The following OR2M2 variants were observed in gnomAD, a reference collection of about 807,000 sequenced individuals.
OR2M2 encodes the protein olfactory receptor family 2 subfamily M member 2, also known as olfactory receptor 2M2.
For missense variants in OR2M2, 467 were observed against 429.9 expected (o/e 1.09, Z -0.76); for synonymous variants, 168 against 151.7 (o/e 1.11, Z -0.79).
At position 248,180,855 on chromosome 1, in the gene OR2M2, C is replaced by T. The variant is rs764829982; in HGVS notation, c.870C>T (p.Tyr290=). The T allele has an allele frequency of 1.2e-6, 2 of 1,614,084 alleles. No individual in the cohort carries two copies. Among genetic ancestry groups the T allele is most frequent in the Non-Finnish European group, 1.7e-6 (2 of 1,179,974 alleles). The part of the protein sequence containing the change: ...ILTPMLNPLI[Y]SLRNKEVTRA... ...CTCCCATGCTGAATCCCCTCATCTA[C>T]AGCCTCCGCAACAAGGAGGTGACTA... The change falls in exon 2 of 2, where the codon TAC becomes TAT. Residue 290 remains tyrosine (Y), a synonymous_variant. Transcript: ENST00000641836.
At position 248,180,094 on chromosome 1, in the gene OR2M2, G is replaced by T. The variant is rs1665908979; in HGVS notation, c.109G>T (p.Val37Leu). 3.7e-6 allele frequency: 6 copies of T among 1,614,018 alleles called. No homozygotes were observed. The highest frequency in any genetic ancestry group is 2.2e-5 in the East Asian group (1 of 44,872). The change falls in exon 2 of 2, where the codon GTG becomes TTG. Residue 37 changes from valine (V) to leucine (L), a missense_variant. Coordinates refer to ENST00000641836, the MANE Select transcript of OR2M2 (RefSeq NM_001004688.2). ...LFFLVLGIFL[V>L]AFMGNSVMVL... The stretch of plus-strand genomic sequence containing the variant: ...CTTTCTGGTCCTGGGCATCTTTTTA[G>T]TGGCCTTCATGGGAAACTCTGTCAT...
At chr1:248,176,530 G>A (rs1338498675) in intron 1 of OR2M2, among the ~76,000 whole-genome samples, 1 of 151,952 alleles carries the variant, frequency 6.6e-6, no homozygotes, top group East Asian at 1.9e-4. Flanking sequence ...ACGTCATTAT[G>A]TGAATACTTT....
At chr1:248,177,175 C>A (rs3010201) in intron 1 of OR2M2, among the ~76,000 whole-genome samples, 26,576 of 151,848 alleles carry the variant, frequency 0.18, 4,609 homozygotes, top group African/African-American at 0.45. Flanking sequence ...ATAAGTTCAT[C>A]CTAAACTAAT....
intron 1 of OR2M2, among the ~76,000 whole-genome samples, chr1:248,178,153 T>C (rs1186653070): frequency 2.0e-5 from 3 of 152,162 alleles, no homozygotes; most frequent in Non-Finnish European, 2.9e-5. Flanking sequence ...TAAAAAATTG[T>C]ATTTCACCCC....
chr1:248,179,985 C>T lies in OR2M2; in HGVS notation c.-1C>T. ...GGTACTAGGTAAAAAGCACATTCAT[C>T]ATGGCATGGGAGAATCAGACCTTCA... On this transcript the variant is annotated 5_prime_UTR_variant, in exon 2 of 2. Coordinates refer to ENST00000641836, the MANE Select transcript of OR2M2 (RefSeq NM_001004688.2). 6.2e-7 allele frequency: 1 copy of T among 1,607,172 alleles called. No homozygotes were observed. Among genetic ancestry groups the T allele is most frequent in the Non-Finnish European group, 8.5e-7 (1 of 1,176,232 alleles).
chr1:248,178,111 C>T (rs1406707482), intron 1 of OR2M2: 1 of 152,022 alleles, frequency 6.6e-6, no homozygotes, highest in East Asian at 1.9e-4. Flanking sequence ...ATAAATAAAA[C>T]TCAAAGAGGT....
intron 1 of OR2M2, among the ~76,000 whole-genome samples, chr1:248,176,433 AAAAT>A (rs1665857321): frequency 6.6e-6 from 1 of 152,138 alleles, no homozygotes; most frequent in Admixed American, 6.5e-5. Flanking sequence ...TGAATTCAAT[AAAAT>A]AAATAAAAAT....
rs766685038 is a variant in OR2M2, at chr1:248,180,348, C to T, written c.363C>T (p.Asp121=). 3.1e-6 allele frequency: 5 copies of T among 1,613,998 alleles called. No homozygotes were observed. Among genetic ancestry groups the T allele is most frequent in the Non-Finnish European group, 3.4e-6 (4 of 1,180,022 alleles). Residue 121 remains aspartate (D), a synonymous_variant, in exon 2 of 2, where the codon GAC becomes GAT. Coordinates refer to ENST00000641836, the MANE Select transcript of OR2M2 (RefSeq NM_001004688.2). ...TTCTTTTGGCTGTTATGGCTTATGA[C>T]CGCTATATTGCTATTTGCCACCCTC... ...ECFLLAVMAY[D]RYIAICHPLR... is the part of the protein sequence containing the mutation.
At chr1:248,178,703 T>G (rs898654336) in intron 1 of OR2M2, among the ~76,000 whole-genome samples, 1 of 152,200 alleles carries the variant, frequency 6.6e-6, no homozygotes, top group Admixed American at 6.5e-5. Flanking sequence ...ATCTTTGACT[T>G]ACTTTTCTCC....
Position 248,180,034 on chromosome 1 carries a change from A to C in OR2M2, c.49A>C (p.Ile17Leu). The change falls in exon 2 of 2, where the codon ATC becomes CTC. Residue 17 changes from isoleucine (I) to leucine (L), a missense_variant. Ile to Leu is a conservative substitution (Grantham distance 5). Transcript: ENST00000641836. ...TFNSDFILLGIFNHSPPHTFL... is the reference protein window; with the variant it reads ...TFNSDFILLGLFNHSPPHTFL... Reference sequence around the variant, plus strand: ...CAACTCCGACTTCATCCTCCTTGGAATCTTCAATCACAGCCCACCACACAC... The same window carrying C: ...CAACTCCGACTTCATCCTCCTTGGACTCTTCAATCACAGCCCACCACACAC... 6.2e-7 allele frequency: 1 copy of C among 1,614,026 alleles called. No homozygotes were observed. Among genetic ancestry groups the C allele is most frequent in the Non-Finnish European group, 8.5e-7 (1 of 1,179,964 alleles).
rs201629619 is a variant in OR2M2 at position 248,180,441 on chromosome 1, C to T, written c.456C>T (p.Gly152=). ...TGGCTACCTTCTCCTGGATCCTGGG[C>T]TCTACAGATGGAATCATTGATGCTG... ...GLMATFSWIL[G]STDGIIDAVA... The change falls in exon 2 of 2, where the codon GGC becomes GGT. Residue 152 remains glycine (G), a synonymous_variant. Coordinates refer to ENST00000641836, the MANE Select transcript of OR2M2 (RefSeq NM_001004688.2). The T allele has an allele frequency of 9.7e-5, 156 of 1,613,802 alleles. No homozygotes were observed. The highest frequency in any genetic ancestry group is 1.1e-4 in the Non-Finnish European group (132 of 1,179,894).
chr1:248,178,209 A>T (rs992074629), intron 1 of OR2M2, among the ~76,000 whole-genome samples: 1 of 151,988 alleles, frequency 6.6e-6, no homozygotes, highest in East Asian at 1.9e-4. Context: ...ATTTCTTCTA[A>T]CTCTCTTGTT....
intron 1 of OR2M2, among the ~76,000 whole-genome samples, chr1:248,175,164 C>G: frequency 6.6e-6 from 1 of 152,070 alleles, no homozygotes; most frequent in Non-Finnish European, 1.5e-5. Flanking sequence ...GAATAGGTGT[C>G]AGAAGAGAAA....
At position 248,178,425 on chromosome 1, in the gene OR2M2, A is replaced by T. The variant is rs527378595; in HGVS notation, c.-18-1543A>T. Among the ~76,000 whole-genome samples the T allele has an allele frequency of 5.9e-5, 9 of 152,322 alleles. 1 individual carries two copies. The South Asian group carries it at 1.7e-3, about 28-fold the overall frequency. Reference sequence around the variant, plus strand: ...TACATTTATAATTATCTCATACGATAAAAACTAAATGCCACAACATACAAG... The same window carrying T: ...TACATTTATAATTATCTCATACGATTAAAACTAAATGCCACAACATACAAG... On this transcript the variant is annotated intron_variant, in intron 1 of 1. Transcript: ENST00000641836.
At chr1:248,179,604 G>A (rs115779596) in intron 1 of OR2M2, among the ~76,000 whole-genome samples, 167 of 152,302 alleles carry the variant, frequency 1.1e-3, no homozygotes, top group African/African-American at 3.9e-3. Context: ...CATGTTGACT[G>A]AAGCTGAATT....
chr1:248,180,978 C>T lies in OR2M2; in HGVS notation c.993C>T (p.Ser331=). 15 of 1,613,076 alleles carry T rather than the reference C, an allele frequency of 9.3e-6. No homozygotes were observed. The highest frequency in any genetic ancestry group is 1.3e-5 in the Non-Finnish European group (15 of 1,179,272). Residue 331 remains serine, a synonymous_variant, in exon 2 of 2, where the codon TCC becomes TCT. Coordinates refer to ENST00000641836, the MANE Select transcript of OR2M2 (RefSeq NM_001004688.2). The stretch of plus-strand genomic sequence containing the variant: ...TTGCTAAATTCTTCTTTCTAATATC[C>T]ATCTTTTTCTATGATGTCAAAATAC... The part of the protein sequence containing the change: ...LLFAKFFFLI[S]IFFYDVKILA...
At chr1:248,177,936 A>G (rs1665873528) in intron 1 of OR2M2, 1 of 152,174 alleles carries the variant, frequency 6.6e-6, no homozygotes, top group South Asian at 2.1e-4. Flanking sequence ...ATTCTATCTC[A>G]TGAGTGTCAC....
In OR2M2 at chr1:248,180,569, T is replaced by G. The variant is rs1357336739; in HGVS notation, c.584T>G (p.Phe195Cys). Residue 195 changes from phenylalanine (F) to cysteine (C), a missense_variant, in exon 2 of 2, where the codon TTT becomes TGT. Transcript: ENST00000641836. ...CTCTCATGCAATGACACATCAATAT[T>G]TGAAGAGGTTATTTTCATCTGCTGT... is the stretch of plus-strand genomic sequence containing the variant. Reference protein sequence around the residue: ...LILSCNDTSIFEEVIFICCIV... With the variant: ...LILSCNDTSICEEVIFICCIV... 1.2e-6 allele frequency: 2 copies of G among 1,613,712 alleles called. No individual in the cohort carries two copies. The highest frequency in any genetic ancestry group is 1.7e-6 in the Non-Finnish European group (2 of 1,179,852).
In OR2M2 at chr1:248,180,643, C is replaced by G. The variant is rs4244171; in HGVS notation, c.658C>G (p.Arg220Gly). The G allele has an allele frequency of 0.63, 1,020,113 of 1,610,222 alleles. 325,448 individuals carry two copies. The highest frequency in any genetic ancestry group is 0.65 in the Non-Finnish European group (765,621 of 1,178,118). Residue 220 changes from arginine (R) to glycine (G), a missense_variant, in exon 2 of 2, where the codon CGA becomes GGA. Transcript: ENST00000641836. ...TGCAATCATCATTGCTTCCTATGCT[C>G]GAGTTATTCTGGCTGTCATTCACAT... is the stretch of plus-strand genomic sequence containing the variant. ...PVAIIIASYARVILAVIHMGS... is the reference protein window; with the variant it reads ...PVAIIIASYAGVILAVIHMGS...
Sources: allele counts gnomAD v4.1 joint callset (sites outside exome capture counted in the v4.1 genomes callset), GRCh38; gene constraint gnomAD v4.1.1; transcripts MANE v1.5; gene names NCBI Gene and HGNC (gene_info 2026-07-23, HGNC 2026-07-21).